The following EBF2 variants were observed in gnomAD, a reference collection of about 807,000 sequenced individuals.
EBF2 encodes transcription factor COE2.
A neutral mutation model predicts 72.8 loss-of-function variants in EBF2; 21 were observed. The observed-to-expected ratio is 0.29, with a 90% confidence interval of 0.20 to 0.42. EBF2 has a LOEUF of 0.42. Among genes scored for constraint, EBF2 ranks in the 10% least tolerant of loss-of-function variants. The pLI is 1.00. For synonymous variants in EBF2, 299 were observed against 274.2 expected, an observed-to-expected ratio of 1.09 and a Z score of -0.89; for missense variants, 637 against 731.2, an observed-to-expected ratio of 0.87 and a Z score of 1.49.
At chr8:25,909,260 A>T (rs1004792290) in intron 6 of EBF2, among the ~76,000 whole-genome samples, 2 of 152,186 alleles carry the variant, frequency 1.3e-5, no homozygotes, top group Non-Finnish European at 2.9e-5. Flanking sequence ...GCAATTTTAA[A>T]ATTGGGCATC....
intron 6 of EBF2, among the ~76,000 whole-genome samples, chr8:25,997,337 A>G (rs1368435913): frequency 6.6e-6 from 1 of 152,212 alleles, no homozygotes; most frequent in Non-Finnish European, 1.5e-5. Context: ...TTGGGAGGCC[A>G]AGGCAGGCAG....
rs188821804 is a variant in EBF2 at position 26,015,686 on chromosome 8, G to C, written c.551+17399C>G. On this transcript the variant is annotated intron_variant, in intron 6 of 15. Transcript: ENST00000520164. ...CAGACTTTAATCTACATACACAAAG[G>C]AGATTTTCTTTTTAGCCTGGTCTAT... Among the ~76,000 whole-genome samples the C allele has an allele frequency of 7.0e-4, 107 of 152,318 alleles. 1 individual carries two copies. Among genetic ancestry groups the C allele is most frequent in the African/African-American group, 2.5e-3 (106 of 41,574 alleles).
At chr8:26,041,442 G>T (rs918601393) in intron 2 of EBF2, 1 of 195,936 alleles carries the variant, frequency 5.1e-6, no homozygotes, top group South Asian at 1.0e-4. Context: ...GCAGGGCCAC[G>T]AGCTCAGGGA....
chr8:25,859,362 AAC>A (rs755048290), intron 13 of EBF2, among the ~76,000 whole-genome samples: 4 of 152,154 alleles, frequency 2.6e-5, no homozygotes, highest in Non-Finnish European at 5.9e-5. Flanking sequence ...TATTCTATGG[AAC>A]ACAGTTTTAG....
intron 7 of EBF2, among the ~76,000 whole-genome samples, chr8:25,890,143 A>G (rs1802754457): frequency 6.6e-6 from 1 of 152,252 alleles, no homozygotes; most frequent in African/African-American, 2.4e-5. Flanking sequence ...TGCTGGTTCC[A>G]GAAACCTGGT....
At chr8:25,931,160 G>A (rs1303800177) in intron 6 of EBF2, among the ~76,000 whole-genome samples, 1 of 152,058 alleles carries the variant, frequency 6.6e-6, no homozygotes, top group East Asian at 1.9e-4. Context: ...GGACTGAAGG[G>A]GCACACTATA....
intron 6 of EBF2, among the ~76,000 whole-genome samples, chr8:26,017,959 G>A (rs1478795781): frequency 6.6e-6 from 1 of 152,122 alleles, no homozygotes; most frequent in Non-Finnish European, 1.5e-5. Context: ...TTCGCACCAA[G>A]GCTCTGGGGT....
intron 6 of EBF2, among the ~76,000 whole-genome samples, chr8:25,913,342 G>A (rs1443622305): frequency 2.0e-5 from 3 of 152,110 alleles, no homozygotes; most frequent in Non-Finnish European, 2.9e-5. Flanking sequence ...TCAGGAAGCT[G>A]AGGCAGGAGA....
chr8:25,959,468 G>A (rs1217055061), intron 6 of EBF2, among the ~76,000 whole-genome samples: 6 of 152,166 alleles, frequency 3.9e-5, no homozygotes, highest in Non-Finnish European at 8.8e-5. Flanking sequence ...GCCTCCCAAA[G>A]TGCTGGGATT....
intron 7 of EBF2, among the ~76,000 whole-genome samples, chr8:25,900,939 A>C (rs984822499): frequency 6.6e-6 from 1 of 152,110 alleles, no homozygotes; most frequent in Non-Finnish European, 1.5e-5. Context: ...ACAACCATGT[A>C]TTGTACATTT....
At chr8:25,990,084 A>G (rs1226640968) in intron 6 of EBF2, among the ~76,000 whole-genome samples, 1 of 152,180 alleles carries the variant, frequency 6.6e-6, no homozygotes, top group East Asian at 1.9e-4. Flanking sequence ...CGCAGTAGGT[A>G]TACAAAGACA....
Position 25,889,790 on chromosome 8 carries a change from T to C in EBF2, c.713A>G (p.Lys238Arg). ...GAGTCTTCTTGCTCTCCGTCCATGC[T>C]TGGAGTTGTTATGAACAAACATGTT... ...SDNMFVHNNS[K>R]HGRRARRLDP... The change falls in exon 8 of 16, where the codon AAG (lysine) becomes AGG (arginine). Residue 238 changes from lysine to arginine, a missense_variant. This residue lies in a region of EBF2 where 204 missense variants were observed against 301.2 expected (regional missense o/e 0.68). Transcript: ENST00000520164. The C allele has an allele frequency of 6.2e-7, 1 of 1,614,082 alleles. No individual in the cohort carries two copies. Among genetic ancestry groups the C allele is most frequent in the Non-Finnish European group, 8.5e-7 (1 of 1,179,964 alleles).
chr8:25,906,544 ATCACT>A, intron 7 of EBF2, among the ~76,000 whole-genome samples: 1 of 152,250 alleles, frequency 6.6e-6, no homozygotes, highest in South Asian at 2.1e-4. Flanking sequence ...AGTCGGGTGG[ATCACT>A]TGAGGTCTGG....
intron 6 of EBF2, among the ~76,000 whole-genome samples, chr8:25,965,274 A>C (rs1305659926): frequency 6.6e-6 from 1 of 152,212 alleles, no homozygotes; most frequent in Non-Finnish European, 1.5e-5. Flanking sequence ...GTTGGAACTC[A>C]AAGTACCTAT....
chr8:26,002,490 AG>A (rs1346091615), intron 6 of EBF2, among the ~76,000 whole-genome samples: 1 of 152,208 alleles, frequency 6.6e-6, no homozygotes. Flanking sequence ...TGACAGCGCC[AG>A]TTCTTCGGCA....
intron 14 of EBF2, 62 bp from the exon 15 acceptor site, chr8:25,850,823 G>T: frequency 6.7e-7 from 1 of 1,501,838 alleles, no homozygotes; most frequent in South Asian, 1.3e-5. Context: ...TCACACATTT[G>T]GCACACATTT....
At chr8:25,921,463 A>G (rs929552364) in intron 6 of EBF2, among the ~76,000 whole-genome samples, 1 of 152,224 alleles carries the variant, frequency 6.6e-6, no homozygotes, top group African/African-American at 2.4e-5. Flanking sequence ...CAATGATCAC[A>G]TCGGTCTAAG....
At chr8:26,034,399 A>G (rs1805462209) in intron 5 of EBF2, among the ~76,000 whole-genome samples, 1 of 152,192 alleles carries the variant, frequency 6.6e-6, no homozygotes, top group African/African-American at 2.4e-5. Context: ...ACCTGATAGA[A>G]AGACCTCAAT....
intron 5 of EBF2, among the ~76,000 whole-genome samples, chr8:26,033,659 T>A (rs745589663): frequency 2.0e-5 from 3 of 152,078 alleles, no homozygotes; most frequent in East Asian, 3.9e-4. Flanking sequence ...AATACCTAGA[T>A]GATGGGTTGA....
Sources: gnomAD v4.1 joint callset for allele counts (sites outside exome capture counted in the v4.1 genomes callset) on GRCh38, gnomAD v4.1.1 for gene constraint, gnomAD v4.1.1 regional missense constraint, MANE v1.5 for transcripts, NCBI Gene and HGNC (gene_info 2026-07-23, HGNC 2026-07-21) for gene names.